The following DENND5B variants were observed in gnomAD, a reference collection of about 807,000 sequenced individuals.
DENND5B encodes DENN domain containing 5B.
DENND5B carries 34 observed loss-of-function variants against 140.6 expected under a neutral mutation model. The observed-to-expected ratio is 0.24, with a 90% CI of 0.18 to 0.32. The LOEUF is 0.32. Among genes scored for constraint, DENND5B ranks in the 10% least tolerant of loss-of-function variants. DENND5B has a pLI of 1.00. For missense variants in DENND5B, 1,142 were observed against 1,560.2 expected, an observed-to-expected ratio of 0.73 and a Z score of 4.52; for synonymous variants, 551 against 562.1, an observed-to-expected ratio of 0.98 and a Z score of 0.28.
intron 4 of DENND5B, among the ~76,000 whole-genome samples, chr12:31,455,627 T>C (rs1944735673): frequency 6.6e-6 from 1 of 152,192 alleles, no homozygotes; most frequent in Non-Finnish European, 1.5e-5. Flanking sequence ...ATGATAAAAA[T>C]TTACTCAACA....
intron 1 of DENND5B, among the ~76,000 whole-genome samples, chr12:31,500,008 C>T (rs1946940641): frequency 6.6e-6 from 1 of 152,194 alleles, no homozygotes; most frequent in African/African-American, 2.4e-5. Context: ...AGATATCATA[C>T]AAGTTGAGTA....
intron 1 of DENND5B, among the ~76,000 whole-genome samples, chr12:31,523,813 T>C (rs1266119669): frequency 1.3e-5 from 2 of 152,248 alleles, no homozygotes; most frequent in Non-Finnish European, 2.9e-5. Context: ...GGTTCTATAA[T>C]GTTTCCCAAG....
chr12:31,448,324 A>T (rs1487124739), intron 5 of DENND5B, among the ~76,000 whole-genome samples: 1 of 151,666 alleles, frequency 6.6e-6, no homozygotes, highest in Non-Finnish European at 1.5e-5. Flanking sequence ...TTTAGTAGAG[A>T]CGGGGTTTCA....
Position 31,385,329 on chromosome 12 carries a change from G to A in DENND5B, c.*2274C>T, listed in dbSNP as rs991097848. On this transcript the variant is annotated 3_prime_UTR_variant, in exon 21 of 21. Coordinates refer to ENST00000389082, the MANE Select transcript of DENND5B (RefSeq NM_144973.4). Reference sequence around the variant, plus strand: ...TTGTGTTGTCAGTAACCAGCTGTGGGGTAAGTGTAAGATTTAATCTCTCTA... The same window carrying A: ...TTGTGTTGTCAGTAACCAGCTGTGGAGTAAGTGTAAGATTTAATCTCTCTA... 1 of 152,116 alleles carries A rather than the reference G, an allele frequency of 6.6e-6. No individual in the cohort carries two copies. Among genetic ancestry groups the A allele is most frequent in the African/African-American group, 2.4e-5 (1 of 41,416 alleles). The allele number at this position is 152,116 out of a possible 1,614,324, so 9.4% of individuals were successfully genotyped here.
rs972251724 is a variant in DENND5B, at chr12:31,537,073, C to T, written c.128-41154G>A. On this transcript the variant is annotated intron_variant, in intron 1 of 20. Coordinates refer to ENST00000389082, the MANE Select transcript of DENND5B (RefSeq NM_144973.4). ...CACCAGATCTAGCCTAGAAGAAATGCTAACAGGTGTACTTCAATCAGAAAG... is the reference window on the plus strand; with the variant it reads ...CACCAGATCTAGCCTAGAAGAAATGTTAACAGGTGTACTTCAATCAGAAAG... Among the ~76,000 whole-genome samples, 4 of 152,116 alleles carry T rather than the reference C, an allele frequency of 2.6e-5. 1 individual carries two copies. Among genetic ancestry groups the T allele is most frequent in the Non-Finnish European group, 5.9e-5 (4 of 68,000 alleles).
At chr12:31,517,664 T>A (rs905169129) in intron 1 of DENND5B, among the ~76,000 whole-genome samples, 5 of 152,208 alleles carry the variant, frequency 3.3e-5, no homozygotes, top group African/African-American at 1.2e-4. Context: ...TGATTAAGTC[T>A]CCTCATTTCC....
intron 1 of DENND5B, among the ~76,000 whole-genome samples, chr12:31,526,763 T>C (rs1028800405): frequency 5.3e-5 from 8 of 152,194 alleles, no homozygotes; most frequent in African/African-American, 1.9e-4. Context: ...TTTTGATGAA[T>C]GTACCATGGT....
At chr12:31,554,791 G>T (rs964519670) in intron 1 of DENND5B, among the ~76,000 whole-genome samples, 2 of 151,918 alleles carry the variant, frequency 1.3e-5, no homozygotes, top group African/African-American at 4.8e-5. Context: ...TTCTCTTCTC[G>T]CTTCACTTCA....
chr12:31,485,718 GCA>G (rs201557139), intron 2 of DENND5B, among the ~76,000 whole-genome samples: 20,407 of 146,778 alleles, frequency 0.14, 1,613 homozygotes, highest in Non-Finnish European at 0.18. Flanking sequence ...GCTAAAAAAG[GCA>G]ATACAGCTTC....
At chr12:31,551,480 T>C (rs1239653844) in intron 1 of DENND5B, among the ~76,000 whole-genome samples, 2 of 152,222 alleles carry the variant, frequency 1.3e-5, no homozygotes, top group African/African-American at 4.8e-5. Context: ...GTAGTATAGT[T>C]TGAAGTCAGG....
intron 2 of DENND5B, among the ~76,000 whole-genome samples, chr12:31,485,407 T>G (rs1057489653): frequency 5.0e-4 from 76 of 152,244 alleles, no homozygotes; most frequent in African/African-American, 1.8e-3. Context: ...CACGGATATT[T>G]TACGTTACAG....
intron 1 of DENND5B, among the ~76,000 whole-genome samples, chr12:31,513,273 T>C (rs1450718289): frequency 6.6e-6 from 1 of 152,218 alleles, no homozygotes; most frequent in Non-Finnish European, 1.5e-5. Flanking sequence ...CCTTGATCAC[T>C]TGGCTAAGAT....
chr12:31,422,435 T>C (rs1373671028), intron 11 of DENND5B, among the ~76,000 whole-genome samples: 3 of 142,616 alleles, frequency 2.1e-5, no homozygotes, highest in Non-Finnish European at 4.6e-5. Flanking sequence ...GTCTCAAAAA[T>C]AAAAATTAAA....
At chr12:31,547,454 A>G (rs1196782461) in intron 1 of DENND5B, among the ~76,000 whole-genome samples, 6 of 152,312 alleles carry the variant, frequency 3.9e-5, no homozygotes, top group African/African-American at 1.4e-4. Flanking sequence ...GCTGGAGTGC[A>G]GTGGCACAAT....
At chr12:31,533,395 ATACTT>A (rs1948362798) in intron 1 of DENND5B, among the ~76,000 whole-genome samples, 1 of 152,214 alleles carries the variant, frequency 6.6e-6, no homozygotes, top group South Asian at 2.1e-4. Flanking sequence ...GTTAAAACTT[ATACTT>A]TATTTTCTTG....
At chr12:31,556,482 G>A (rs1006504595) in intron 1 of DENND5B, among the ~76,000 whole-genome samples, 7 of 151,878 alleles carry the variant, frequency 4.6e-5, no homozygotes, top group African/African-American at 1.5e-4. Context: ...GATTACAGGC[G>A]TGAGCCACCA....
Position 31,403,890 on chromosome 12 carries a change from C to A in DENND5B, c.2804-1247G>T. On this transcript the variant is annotated intron_variant, in intron 14 of 20. Coordinates refer to ENST00000389082, the MANE Select transcript of DENND5B (RefSeq NM_144973.4). ...CAGCCTGGGCAACAGGAGTGAAACTCCATCTCCAAAAAAAAAAAAAAAAAA... is the reference window on the plus strand; with the variant it reads ...CAGCCTGGGCAACAGGAGTGAAACTACATCTCCAAAAAAAAAAAAAAAAAA... 3.2e-5 allele frequency among the ~76,000 whole-genome samples: 2 copies of A among 63,226 alleles called. 1 individual carries two copies. 41.5% of individuals were successfully genotyped at this position (63,226 alleles called of 152,430 possible). A position where few individuals can be genotyped will look rare whatever the true frequency, so the allele number is the denominator to read the frequency against.
At chr12:31,445,290 C>A (rs1057209750) in intron 6 of DENND5B, among the ~76,000 whole-genome samples, 2 of 152,200 alleles carry the variant, frequency 1.3e-5, no homozygotes, top group African/African-American at 4.8e-5. Context: ...AGAAATCAGA[C>A]CTGGATTCAA....
intron 3 of DENND5B, among the ~76,000 whole-genome samples, chr12:31,462,277 C>T (rs758953698): frequency 2.7e-5 from 4 of 149,706 alleles, no homozygotes; most frequent in African/African-American, 4.9e-5. Context: ...ATCAGAAAAT[C>T]AGTTCCTACC....
Sources: allele counts gnomAD v4.1 joint callset (sites outside exome capture counted in the v4.1 genomes callset), GRCh38; gene constraint gnomAD v4.1.1; transcripts MANE v1.5; gene names NCBI Gene and HGNC (gene_info 2026-07-23, HGNC 2026-07-21).